Variants in ZFP14 observed in about 807,000 individuals in gnomAD.
The protein encoded by ZFP14 is zinc finger protein 14 homolog.
Under a neutral mutation model 54.5 loss-of-function variants are expected in ZFP14, and 22 were observed. The ratio of observed to expected loss-of-function variants is 0.40; its 90% CI spans 0.29 to 0.58. The LOEUF is 0.58. ZFP14 is among the 20% of genes least tolerant of loss of function. ZFP14 has a pLI of 0.39. For missense variants in ZFP14, 470 were observed against 637.8 expected (o/e 0.74, Z 2.83); for synonymous variants, 159 against 204.0 (o/e 0.78, Z 1.88).
Position 36,341,812 on chromosome 19 carries a change from T to G in ZFP14, c.236-222A>C, listed in dbSNP as rs1250641498. On this transcript the variant is annotated intron_variant, in intron 4 of 4. Coordinates refer to ENST00000270001, the MANE Select transcript of ZFP14 (RefSeq NM_020917.3). This position sits in a 1 kb window ranked among gnomAD's most constrained non-coding sequence, Gnocchi z 4.2. ...TACAAAAGTACACACTAAAAATTAC[T>G]GTGTTCAGAAGAAAAATAGGCCCGG... Among the ~76,000 whole-genome samples the G allele has an allele frequency of 2.0e-5, 3 of 152,166 alleles. No individual in the cohort carries two copies. Among genetic ancestry groups the G allele is most frequent in the Admixed American group, 2.0e-4 (3 of 15,274 alleles).
At chr19:36,345,076 A>G (rs1278188637) in intron 4 of ZFP14, among the ~76,000 whole-genome samples, 1 of 152,148 alleles carries the variant, frequency 6.6e-6, no homozygotes, top group East Asian at 1.9e-4. Context: ...AGCCTGACCC[A>G]CTTGGAGAGA....
chr19:36,353,113 C>T (rs1197710910), intron 4 of ZFP14, among the ~76,000 whole-genome samples: 1 of 141,172 alleles, frequency 7.1e-6, no homozygotes, highest in African/African-American at 2.6e-5. Flanking sequence ...AAAAAAAGAT[C>T]TTCCTTACCC....
chr19:36,353,679 C>T lies in ZFP14; in HGVS notation c.235+6756G>A, dbSNP rs888871074. ...CGCCACTACACTCCAGTCTGGGTGA[C>T]AGAGTGAGACTCCATCTCAAAAAAA... On this transcript the variant is annotated intron_variant, in intron 4 of 4. Transcript: ENST00000270001. Among the ~76,000 whole-genome samples, 33 of 104,316 alleles carry T rather than the reference C, an allele frequency of 3.2e-4. 2 individuals are homozygous for T. Among genetic ancestry groups the T allele is most frequent in the Admixed American group, 9.7e-4 (8 of 8,256 alleles). 68.4% of individuals were successfully genotyped at this position (104,316 alleles called of 152,430 possible).
At chr19:36,376,266 T>C (rs1296034649) in intron 1 of ZFP14, among the ~76,000 whole-genome samples, 1 of 152,078 alleles carries the variant, frequency 6.6e-6, no homozygotes, top group African/African-American at 2.4e-5. Flanking sequence ...CCCACAATTA[T>C]TTTTAAAATT....
intron 1 of ZFP14, among the ~76,000 whole-genome samples, chr19:36,373,559 A>C (rs2031912296): frequency 6.6e-6 from 1 of 152,210 alleles, no homozygotes; most frequent in African/African-American, 2.4e-5. Context: ...AAAAATGGTA[A>C]CTATGTAAAA....
At chr19:36,372,670 T>C (rs553956540) in intron 1 of ZFP14, among the ~76,000 whole-genome samples, 3 of 152,246 alleles carry the variant, frequency 2.0e-5, no homozygotes, top group Admixed American at 6.5e-5. Flanking sequence ...AAAATAGAAC[T>C]ACCATATGAT....
At chr19:36,348,295 G>C (rs1429446525) in intron 4 of ZFP14, among the ~76,000 whole-genome samples, 1 of 152,108 alleles carries the variant, frequency 6.6e-6, no homozygotes, top group Non-Finnish European at 1.5e-5. Context: ...TACTTGGGTC[G>C]ATACTTCTGT....
rs372447154 is a variant in ZFP14 at position 36,340,964 on chromosome 19, C to G, written c.862G>C (p.Asp288His). 2.0e-5 allele frequency: 33 copies of G among 1,613,968 alleles called. No individual in the cohort carries two copies. The highest frequency in any genetic ancestry group is 2.6e-5 in the Non-Finnish European group (31 of 1,180,016). The change falls in exon 5 of 5, where the codon GAC becomes CAC. Residue 288 changes from aspartate to histidine, a missense_variant. Coordinates refer to ENST00000270001, the MANE Select transcript of ZFP14 (RefSeq NM_020917.3). The surrounding 1 kb of genome is among the most constrained non-coding windows in gnomAD (Gnocchi z 5.4). The stretch of plus-strand genomic sequence containing the variant: ...CACTGTCTAAAGGTCTTTCCACAGT[C>G]CTTACATTCATAGGGTTTCTCACCA... ...HTGEKPYECK[D>H]CGKTFRQCTH...
intron 2 of ZFP14, among the ~76,000 whole-genome samples, chr19:36,362,585 G>A (rs976988977): frequency 6.6e-6 from 1 of 152,120 alleles, no homozygotes; most frequent in Admixed American, 6.5e-5. Context: ...AAAATATGAG[G>A]TCTTGAGGCC....
chr19:36,372,900 T>C (rs8112312), intron 1 of ZFP14, among the ~76,000 whole-genome samples: 102,774 of 151,520 alleles, frequency 0.68, 35,107 homozygotes, highest in African/African-American at 0.76. Flanking sequence ...CACAGATGAA[T>C]CTGGAAGGAC....
chr19:36,340,434 G>C lies in ZFP14; in HGVS notation c.1392C>G (p.Leu464=). Residue 464 remains leucine, a synonymous_variant, in exon 5 of 5, where the codon CTC becomes CTG. Transcript: ENST00000270001. The surrounding 1 kb of genome is among the most constrained non-coding windows in gnomAD (Gnocchi z 5.4). ...TACTCTGATGTTGGGTAAGTTGTGA[G>C]AGCAGTCTAAAAGGTTTTCTACATT... The part of the protein sequence containing the change: ...CKECRKPFRL[L]SQLTQHQSIH... 3 of 1,613,170 alleles carry C rather than the reference G, an allele frequency of 1.9e-6. No individual in the cohort carries two copies. Among genetic ancestry groups the C allele is most frequent in the East Asian group, 2.2e-5 (1 of 44,828 alleles).
intron 4 of ZFP14, 61 bp downstream of exon 4, chr19:36,360,374 T>G (rs370453995): frequency 1.3e-5 from 19 of 1,489,292 alleles, no homozygotes; most frequent in Admixed American, 7.1e-5. Context: ...GCCTCCACCC[T>G]AATCAGTTTA....
At chr19:36,377,985 G>A (rs896912477) in intron 1 of ZFP14, 1 of 152,248 alleles carries the variant, frequency 6.6e-6, no homozygotes, top group African/African-American at 2.4e-5. Context: ...AGGGGTTAAA[G>A]TCTAACTAGC....
chr19:36,377,238 A>G (rs2031976931), intron 1 of ZFP14, among the ~76,000 whole-genome samples: 1 of 152,146 alleles, frequency 6.6e-6, no homozygotes, highest in Non-Finnish European at 1.5e-5. Context: ...TCTAAACTGT[A>G]AACTCCTCAA....
intron 2 of ZFP14, among the ~76,000 whole-genome samples, chr19:36,366,240 C>A (rs1173103915): frequency 6.6e-6 from 1 of 151,968 alleles, no homozygotes; most frequent in Non-Finnish European, 1.5e-5. Flanking sequence ...TGCACTCCAG[C>A]CTGGGCGACA....
chr19:36,367,234 G>A (rs1056708137), intron 2 of ZFP14, among the ~76,000 whole-genome samples: 6 of 152,082 alleles, frequency 3.9e-5, no homozygotes, highest in Admixed American at 1.3e-4. Flanking sequence ...GCACTGTACT[G>A]AGAAAAATAT....
At chr19:36,345,562 A>G (rs2031399532) in intron 4 of ZFP14, among the ~76,000 whole-genome samples, 1 of 152,236 alleles carries the variant, frequency 6.6e-6, no homozygotes, top group Non-Finnish European at 1.5e-5. Context: ...TGCTGAATGA[A>G]GTAAGCAAAG....
rs758932415 is a variant in ZFP14, at chr19:36,341,271, T to C, written c.555A>G (p.Ser185=). Residue 185 remains serine (S), a synonymous_variant, in exon 5 of 5, where the codon TCA becomes TCG. Transcript: ENST00000270001. The surrounding 1 kb of genome is among the most constrained non-coding windows in gnomAD (Gnocchi z 4.2). ...KECRKTFIRR[S]TLSQHLRIHT... ...GAATTCTCAGGTGTTGACTAAGTGT[T>C]GAGCGACGAATAAAGGTCTTCCTAC... is the stretch of plus-strand genomic sequence containing the variant. The C allele has an allele frequency of 2.5e-6, 4 of 1,614,210 alleles. No homozygotes were observed. In the South Asian group the frequency reaches 4.4e-5, roughly 18 times the overall value.
intron 1 of ZFP14, among the ~76,000 whole-genome samples, chr19:36,377,605 G>A (rs2038747886): frequency 6.6e-6 from 1 of 151,532 alleles, no homozygotes; most frequent in South Asian, 2.1e-4. Context: ...TTCTCTTCAG[G>A]AGGTTTACTT....
Sources: gnomAD v4.1 joint callset for allele counts (sites outside exome capture counted in the v4.1 genomes callset) on GRCh38, gnomAD v4.1.1 for gene constraint, Gnocchi (gnomAD v3.1) non-coding constraint, MANE v1.5 for transcripts, NCBI Gene and HGNC (gene_info 2026-07-23, HGNC 2026-07-21) for gene names.